CRYAB: variants seen among roughly 807,000 people sequenced by gnomAD.
CRYAB encodes alpha-crystallin B chain.
A neutral mutation model predicts 12.7 loss-of-function variants in CRYAB; 9 were observed. The ratio of observed to expected loss-of-function variants is 0.71; its 90% CI spans 0.43 to 1.24. CRYAB has a LOEUF of 1.24. Among genes scored for constraint, CRYAB ranks in the 50% most tolerant of loss-of-function variants. The pLI is 0.00. For synonymous variants in CRYAB, 93 were observed against 86.8 expected (o/e 1.07, Z -0.40); for missense variants, 183 against 226.6 (o/e 0.81, Z 1.24).
At chr11:111,912,989 A>G, upstream of CRYAB, 3 of 1,020,136 alleles carry the variant, frequency 2.9e-6, no homozygotes, top group South Asian at 2.8e-5. Flanking sequence ...CTGACCTCCC[A>G]ACGTTGCTGG....
chr11:111,909,241 A>G (rs782049674), intron 2 of CRYAB: 6 of 521,206 alleles, frequency 1.2e-5, no homozygotes, highest in Non-Finnish European at 2.2e-5. Flanking sequence ...TATTTCCCAA[A>G]GGTTTAGATC....
chr11:111,916,510 A>C (rs2137394259), upstream of CRYAB, among the ~76,000 whole-genome samples: 1 of 152,366 alleles, frequency 6.6e-6, no homozygotes, highest in East Asian at 1.9e-4. Flanking sequence ...GGCGTGAGCC[A>C]CCACACCCAG....
At position 111,918,785 on chromosome 11, in the gene CRYAB, C is replaced by T. The variant is rs782461811; in HGVS notation, c.-199+4918G>A. The T allele has an allele frequency of 5.7e-6, 4 of 705,212 alleles. No homozygotes were observed. In the East Asian group the frequency reaches 1.1e-4, roughly 19 times the overall value. The allele number at this position is 705,212 out of a possible 1,614,324, so 43.7% of individuals were successfully genotyped here. ...CCTGGAGCCCGTGTGTTGTTCTACC[C>T]TTTGGCTGGGAACACAGTCACCTGG... is the stretch of plus-strand genomic sequence containing the variant. On this transcript the variant is annotated intron_variant, in intron 1 of 3. Coordinates refer to the CRYAB transcript ENST00000527950.
At chr11:111,914,762 C>G (rs1449702077), upstream of CRYAB, among the ~76,000 whole-genome samples, 1 of 152,156 alleles carries the variant, frequency 6.6e-6, no homozygotes, top group Non-Finnish European at 1.5e-5. Context: ...TGGTAGATAC[C>G]TACAATTCTT....
At chr11:111,915,332 A>G (rs1965581603), upstream of CRYAB, among the ~76,000 whole-genome samples, 1 of 152,256 alleles carries the variant, frequency 6.6e-6, no homozygotes, top group Non-Finnish European at 1.5e-5. Flanking sequence ...GCTGTCTATT[A>G]AAAATGAAAG....
rs781902168 is a variant in CRYAB, at chr11:111,911,694, G to C, written c.31C>G (p.Arg11Gly). The change falls in exon 1 of 3, where the codon CGC becomes GGC. Residue 11 changes from arginine (R) to glycine (G), a missense_variant. Physicochemically the swap from Arg to Gly is moderately radical, Grantham distance 125 (BLOSUM62 -2). Transcript: ENST00000650687. MDIAIHHPWI[R>G]RPFFPFHSPS... Reference sequence around the variant, plus strand: ...GAGTGGAAAGGAAAGAAGGGGCGGCGGATCCAGGGGTGGTGGATGGCGATG... The same window carrying C: ...GAGTGGAAAGGAAAGAAGGGGCGGCCGATCCAGGGGTGGTGGATGGCGATG... 5.6e-6 allele frequency: 9 copies of C among 1,597,162 alleles called. No individual in the cohort carries two copies. Among genetic ancestry groups the C allele is most frequent in the Non-Finnish European group, 7.7e-6 (9 of 1,172,126 alleles).
intron 1 of CRYAB, among the ~76,000 whole-genome samples, chr11:111,920,816 T>G (rs587614277): frequency 4.7e-4 from 72 of 152,270 alleles, no homozygotes; most frequent in African/African-American, 1.6e-3. Flanking sequence ...AGAATATCCA[T>G]GGAATATCTG....
upstream of CRYAB, chr11:111,913,098 T>C: frequency 1.6e-6 from 1 of 607,204 alleles, no homozygotes; most frequent in South Asian, 1.9e-5. Flanking sequence ...TTCCCATTCC[T>C]GCTGACCTCA....
intron 1 of CRYAB, 83 bp downstream of exon 1, chr11:111,911,441 C>A: frequency 7.0e-7 from 1 of 1,430,682 alleles, no homozygotes; most frequent in East Asian, 2.5e-5. Flanking sequence ...ATGGTTTAGG[C>A]AGGGTAGGAA....
At chr11:111,912,031 T>G, upstream of CRYAB, 1 of 342,222 alleles carries the variant, frequency 2.9e-6, no homozygotes, top group Non-Finnish European at 5.5e-6. Context: ...ACCCCTGTTC[T>G]CTGAAGCTGG....
In CRYAB at chr11:111,910,263, C is replaced by A. The variant is rs1208707911; in HGVS notation, c.324+64G>T. The A allele has an allele frequency of 4.4e-6, 7 of 1,604,424 alleles. No homozygotes were observed. The East Asian group carries it at 1.6e-4, about 36-fold the overall frequency. On this transcript the variant is annotated intron_variant, in intron 2 of 2. Coordinates refer to ENST00000650687, the MANE Select transcript of CRYAB (RefSeq NM_001289808.2). ...TAGCCAGCCTCCAAAGCTGATAGCA[C>A]TACCTGGACTATTACAGTATGCACT...
chr11:111,918,717 T>A (rs1555166265), intron 1 of CRYAB: 1 of 683,496 alleles, frequency 1.5e-6, no homozygotes, highest in Non-Finnish European at 2.7e-6. Context: ...GTTCATGGCT[T>A]CATCAAAAGA....
At chr11:111,919,129 A>G (rs992146048) in intron 1 of CRYAB, 20 of 1,079,656 alleles carry the variant, frequency 1.9e-5, no homozygotes, top group Non-Finnish European at 2.5e-5. Flanking sequence ...TCTGCCTGGT[A>G]CCTCCTTGTT....
intron 1 of CRYAB, chr11:111,919,089 T>C (rs1555166312): frequency 3.3e-6 from 5 of 1,495,638 alleles, no homozygotes; most frequent in East Asian, 2.4e-5. Flanking sequence ...CTGGAGATAG[T>C]TGTCTGCCAG....
upstream of CRYAB, among the ~76,000 whole-genome samples, chr11:111,915,488 C>T (rs1965583919): frequency 6.6e-6 from 1 of 152,120 alleles, no homozygotes. Context: ...TGTCAACTTT[C>T]CAGAATCTAG....
intron 1 of CRYAB, among the ~76,000 whole-genome samples, 155 bp downstream of exon 1, chr11:111,911,369 G>A (rs552031607): frequency 6.6e-5 from 10 of 152,176 alleles, no homozygotes; most frequent in Non-Finnish European, 8.8e-5. Flanking sequence ...ACAGGTGATG[G>A]GGGAGGAAGG....
At chr11:111,916,103 A>G (rs1183065613), upstream of CRYAB, among the ~76,000 whole-genome samples, 1 of 152,258 alleles carries the variant, frequency 6.6e-6, no homozygotes, top group East Asian at 1.9e-4. Context: ...TTGTTGAATC[A>G]AAATCTGCAT....
chr11:111,913,931 AC>A, upstream of CRYAB: 1 of 1,538,756 alleles, frequency 6.5e-7, no homozygotes, highest in Non-Finnish European at 8.8e-7. Flanking sequence ...ATCCCTCTCT[AC>A]CTCCCAAGGT....
At chr11:111,916,380 G>A (rs1036255856), upstream of CRYAB, among the ~76,000 whole-genome samples, 5 of 151,808 alleles carry the variant, frequency 3.3e-5, no homozygotes, top group South Asian at 2.1e-4. Flanking sequence ...ACAGGCATGC[G>A]CCACAACACC....
Sources: allele counts gnomAD v4.1 joint callset (sites outside exome capture counted in the v4.1 genomes callset), GRCh38; gene constraint gnomAD v4.1.1; transcripts MANE v1.5; gene names NCBI Gene and HGNC (gene_info 2026-07-23, HGNC 2026-07-21).